SUFU: variants seen among roughly 807,000 people sequenced by gnomAD.
SUFU encodes the protein suppressor of fused homolog.
A neutral mutation model predicts 58.9 loss-of-function variants in SUFU; 7 were observed. The observed-to-expected ratio is 0.12, with a 90% CI of 0.07 to 0.22. The LOEUF is 0.22. SUFU is among the 10% of genes least tolerant of loss of function. The probability of loss-of-function intolerance (pLI) is 1.00; values close to 1 mark genes in which losing one functional copy is unlikely to be tolerated. For synonymous variants in SUFU, 232 were observed against 254.8 expected, an observed-to-expected ratio of 0.91 and a Z score of 0.85; for missense variants, 451 against 641.3, an observed-to-expected ratio of 0.70 and a Z score of 3.20.
At chr10:102,603,751 T>C (rs531852554) in intron 8 of SUFU, among the ~76,000 whole-genome samples, 1 of 152,226 alleles carries the variant, frequency 6.6e-6, no homozygotes, top group Admixed American at 6.5e-5. Flanking sequence ...TAGATTTCTC[T>C]CTACTCTTAG....
chr10:102,531,515 G>C (rs895983735), intron 2 of SUFU, among the ~76,000 whole-genome samples: 16 of 152,160 alleles, frequency 1.1e-4, no homozygotes, highest in African/African-American at 3.9e-4. Flanking sequence ...GCACTCCTGT[G>C]CCAGTCAGTG....
intron 4 of SUFU, among the ~76,000 whole-genome samples, chr10:102,593,085 C>T (rs2063420813): frequency 6.6e-6 from 1 of 152,174 alleles, no homozygotes; most frequent in Admixed American, 6.5e-5. Flanking sequence ...GGAACCTGCC[C>T]AGCTTTGACC....
In SUFU at chr10:102,601,257, C is replaced by G. The variant is rs1474352624; in HGVS notation, c.1022+1713C>G. ...CCTGGCTTGGGGGCACTTCCAGCTA[C>G]TGCACCCCTGGACATTGCAATGGGG... On this transcript the variant is annotated intron_variant, in intron 8 of 11. Coordinates refer to ENST00000369902, the MANE Select transcript of SUFU (RefSeq NM_016169.4). Among the ~76,000 whole-genome samples the G allele has an allele frequency of 2.0e-5, 3 of 152,198 alleles. No homozygotes were observed. In the South Asian group the frequency reaches 6.2e-4, roughly 32 times the overall value.
chr10:102,615,158 C>A, intron 8 of SUFU, 110 bp from the exon 9 acceptor site: 3 of 1,485,226 alleles, frequency 2.0e-6, no homozygotes, highest in Non-Finnish European at 2.8e-6. Context: ...TCATTATCAT[C>A]AGTCACCATT....
intron 2 of SUFU, among the ~76,000 whole-genome samples, chr10:102,538,765 G>T (rs1427397933): frequency 6.6e-6 from 1 of 151,934 alleles, no homozygotes; most frequent in African/African-American, 2.4e-5. Flanking sequence ...GAAGTGAGAA[G>T]GTATATAAGT....
chr10:102,524,085 C>T (rs2062580508), intron 2 of SUFU, among the ~76,000 whole-genome samples: 1 of 152,206 alleles, frequency 6.6e-6, no homozygotes, highest in East Asian at 1.9e-4. Flanking sequence ...GTTAGGCCTT[C>T]CCTGACCTCC....
At chr10:102,577,150 C>G (rs1189256404) in intron 3 of SUFU, among the ~76,000 whole-genome samples, 1 of 134,524 alleles carries the variant, frequency 7.4e-6, no homozygotes, top group African/African-American at 2.9e-5. Context: ...GTGGCACCAT[C>G]TTGGCTCACT....
intron 2 of SUFU, among the ~76,000 whole-genome samples, chr10:102,529,570 G>A (rs567812636): frequency 5.3e-5 from 8 of 152,156 alleles, no homozygotes; most frequent in South Asian, 2.1e-4. Flanking sequence ...TCAGGAGTTC[G>A]AGACCAGCCT....
intron 3 of SUFU, among the ~76,000 whole-genome samples, chr10:102,576,862 A>G (rs1590046558): frequency 6.6e-6 from 1 of 151,944 alleles, no homozygotes; most frequent in East Asian, 1.9e-4. Flanking sequence ...AGTGTGCACC[A>G]CCATGCCTGA....
At chr10:102,577,030 G>A (rs980944803) in intron 3 of SUFU, among the ~76,000 whole-genome samples, 2 of 151,410 alleles carry the variant, frequency 1.3e-5, no homozygotes, top group East Asian at 1.9e-4. Flanking sequence ...GATTTAACTG[G>A]TCTCTTCAGG....
chr10:102,551,637 CAA>C (rs1185647428), intron 3 of SUFU, among the ~76,000 whole-genome samples: 4 of 92,268 alleles, frequency 4.3e-5, no homozygotes, highest in African/African-American at 8.2e-5. Flanking sequence ...GACTCCGTAT[CAA>C]AAAAAAAAAA....
At chr10:102,599,140 G>A (rs963182064) in intron 7 of SUFU, among the ~76,000 whole-genome samples, 1 of 152,110 alleles carries the variant, frequency 6.6e-6, no homozygotes, top group Non-Finnish European at 1.5e-5. Context: ...GGTAAACCTC[G>A]GGCCTGTGAC....
At chr10:102,616,437 C>G (rs1377955402) in intron 9 of SUFU, among the ~76,000 whole-genome samples, 1 of 152,216 alleles carries the variant, frequency 6.6e-6, no homozygotes, top group African/African-American at 2.4e-5. Context: ...GCCAGCCACC[C>G]TGGGCAGCAG....
intron 10 of SUFU, among the ~76,000 whole-genome samples, chr10:102,621,584 G>A (rs1296113871): frequency 6.6e-6 from 1 of 152,176 alleles, no homozygotes; most frequent in Non-Finnish European, 1.5e-5. Flanking sequence ...GGCCTGTGGA[G>A]TGGGGGTGGG....
chr10:102,620,510 T>A (rs1204668122), intron 10 of SUFU, among the ~76,000 whole-genome samples: 1 of 152,154 alleles, frequency 6.6e-6, no homozygotes, highest in Non-Finnish European at 1.5e-5. Flanking sequence ...ACTCCCTGCT[T>A]TATGGAGGAT....
chr10:102,513,722 C>T (rs1034913339), intron 2 of SUFU, among the ~76,000 whole-genome samples: 6 of 152,278 alleles, frequency 3.9e-5, no homozygotes, highest in East Asian at 1.9e-4. Flanking sequence ...TGCAGCCTGA[C>T]GCGGTACCAA....
intron 3 of SUFU, among the ~76,000 whole-genome samples, chr10:102,568,935 T>TAC (rs1190947068): frequency 6.8e-3 from 235 of 34,772 alleles, no homozygotes; most frequent in Non-Finnish European, 0.01. Context: ...TATATATATA[T>TAC]ATATATATAT....
chr10:102,545,293 ATTTTTTTTT>A (rs1162195255), intron 2 of SUFU, among the ~76,000 whole-genome samples: 1 of 106,298 alleles, frequency 9.4e-6, no homozygotes, highest in Non-Finnish European at 1.9e-5. Context: ...TAATTTTTGT[ATTTTTTTTT>A]TTTTTTTTTT....
intron 2 of SUFU, among the ~76,000 whole-genome samples, chr10:102,545,462 TA>T (rs1163206496): frequency 6.6e-6 from 1 of 152,040 alleles, no homozygotes; most frequent in East Asian, 1.9e-4. Flanking sequence ...GGCATATACT[TA>T]GGAGTGGAAT....
Sources: gnomAD v4.1 joint callset for allele counts (sites outside exome capture counted in the v4.1 genomes callset) on GRCh38, gnomAD v4.1.1 for gene constraint, MANE v1.5 for transcripts, NCBI Gene and HGNC (gene_info 2026-07-23, HGNC 2026-07-21) for gene names.